The following ARSJ variants were observed in gnomAD, a reference collection of about 807,000 sequenced individuals.
The protein encoded by ARSJ is arylsulfatase J.
In ARSJ, 26 loss-of-function variants were observed where a neutral mutation model predicts 35.9. The ratio of observed to expected loss-of-function variants is 0.72; its 90% confidence interval spans 0.53 to 1.00. ARSJ has a LOEUF of 1.00. ARSJ is among the 50% of genes least tolerant of loss of function. ARSJ has a pLI of 0.00. For synonymous variants in ARSJ, 294 were observed against 267.6 expected (o/e 1.10, Z -0.96); for missense variants, 667 against 723.6 (o/e 0.92, Z 0.90).
chr4:113,907,054 A>G (rs1398703082), intron 1 of ARSJ, among the ~76,000 whole-genome samples: 2 of 152,150 alleles, frequency 1.3e-5, no homozygotes, highest in African/African-American at 2.4e-5. Flanking sequence ...AGGCTGTGAA[A>G]CTGATTCTTG....
intron 1 of ARSJ, among the ~76,000 whole-genome samples, chr4:113,907,758 T>C (rs2099669204): frequency 6.6e-6 from 1 of 152,092 alleles, no homozygotes; most frequent in Admixed American, 6.5e-5. Flanking sequence ...TATACAGCCA[T>C]AAAAAAGAAC....
chr4:113,951,268 T>C (rs1334477878), intron 1 of ARSJ, among the ~76,000 whole-genome samples: 1 of 152,136 alleles, frequency 6.6e-6, no homozygotes, highest in Non-Finnish European at 1.5e-5. Flanking sequence ...AAATCTGGAA[T>C]CTCTTCTATG....
chr4:113,966,388 C>T (rs1246222984), intron 1 of ARSJ, among the ~76,000 whole-genome samples: 1 of 152,044 alleles, frequency 6.6e-6, no homozygotes, highest in Non-Finnish European at 1.5e-5. Context: ...ATTGTAAAAA[C>T]TAAGTCCTTG....
chr4:113,952,775 G>A (rs1725943526), intron 1 of ARSJ, among the ~76,000 whole-genome samples: 1 of 152,038 alleles, frequency 6.6e-6, no homozygotes, highest in African/African-American at 2.4e-5. Context: ...CTTTAGATAT[G>A]GTTCACATAA....
chr4:113,972,804 G>C (rs1479276793), intron 1 of ARSJ, among the ~76,000 whole-genome samples: 1 of 152,116 alleles, frequency 6.6e-6, no homozygotes, highest in African/African-American at 2.4e-5. Flanking sequence ...ATTGCTGGCT[G>C]TCCCTGCCAT....
At position 113,901,960 on chromosome 4, in the gene ARSJ, A is replaced by G. The variant is rs555833308; in HGVS notation, c.*314T>C. 13 of 493,478 alleles carry G rather than the reference A, an allele frequency of 2.6e-5. No homozygotes were observed. The highest frequency in any genetic ancestry group is 4.2e-5 in the Non-Finnish European group (12 of 288,590). 30.6% of individuals were successfully genotyped at this position (493,478 alleles called of 1,614,324 possible). ...GGTAGGTTATTGTTCTCCTCCTATAATTCAAAGCAGTGTTTGGTCAGTTGA... is the reference window on the plus strand; with the variant it reads ...GGTAGGTTATTGTTCTCCTCCTATAGTTCAAAGCAGTGTTTGGTCAGTTGA... On this transcript the variant is annotated 3_prime_UTR_variant, in exon 2 of 2. Transcript: ENST00000315366.
At chr4:113,945,691 A>T (rs745501310) in intron 1 of ARSJ, among the ~76,000 whole-genome samples, 19 of 152,096 alleles carry the variant, frequency 1.2e-4, no homozygotes, top group Non-Finnish European at 1.9e-4. Context: ...CCGTTGCTAC[A>T]TTTACATATT....
intron 1 of ARSJ, among the ~76,000 whole-genome samples, chr4:113,921,710 C>T (rs1049548483): frequency 6.6e-6 from 1 of 152,142 alleles, no homozygotes; most frequent in Non-Finnish European, 1.5e-5. Context: ...TCTTCTTAGT[C>T]AGAATGCTAC....
At chr4:113,938,484 G>T (rs1161932374) in intron 1 of ARSJ, among the ~76,000 whole-genome samples, 1 of 152,028 alleles carries the variant, frequency 6.6e-6, no homozygotes, top group Non-Finnish European at 1.5e-5. Context: ...CATGGGCAAA[G>T]ATTTCATGAT....
intron 1 of ARSJ, among the ~76,000 whole-genome samples, chr4:113,951,454 G>A (rs1404345289): frequency 6.6e-6 from 1 of 152,006 alleles, no homozygotes; most frequent in Non-Finnish European, 1.5e-5. Flanking sequence ...ATGTGGTCTG[G>A]ACAGTGTAAA....
At chr4:113,952,630 C>CTAGGAAA (rs1378819258) in intron 1 of ARSJ, among the ~76,000 whole-genome samples, 1 of 152,026 alleles carries the variant, frequency 6.6e-6, no homozygotes. Flanking sequence ...AAAGCAGTCA[C>CTAGGAAA]TAGAGGGAAA....
Position 113,903,094 on chromosome 4 carries a change from T to C in ARSJ, c.980A>G (p.Asp327Gly), listed in dbSNP as rs2099667648. Residue 327 changes from aspartate (D) to glycine (G), a missense_variant, in exon 2 of 2, where the codon GAT becomes GGT. Physicochemically the swap from Asp to Gly is moderately conservative, Grantham distance 94. Coordinates refer to ENST00000315366, the MANE Select transcript of ARSJ (RefSeq NM_024590.4). ...TCCTGCCGTAGGCTGGCCACCATTA[T>C]CTGAAGAGTAAATGATAATGCTGTT... ...YNNSIIIYSSDNGGQPTAGGS... is the reference protein window; with the variant it reads ...YNNSIIIYSSGNGGQPTAGGS... 6.2e-7 allele frequency: 1 copy of C among 1,614,102 alleles called. No homozygotes were observed. Among genetic ancestry groups the C allele is most frequent in the Admixed American group, 1.7e-5 (1 of 60,006 alleles).
At chr4:113,917,739 G>A (rs1205146626) in intron 1 of ARSJ, among the ~76,000 whole-genome samples, 1 of 152,022 alleles carries the variant, frequency 6.6e-6, no homozygotes, top group East Asian at 1.9e-4. Flanking sequence ...CAATAATTCT[G>A]AAGTTCTATT....
At chr4:113,973,666 C>T (rs1261265927) in intron 1 of ARSJ, among the ~76,000 whole-genome samples, 5 of 152,138 alleles carry the variant, frequency 3.3e-5, no homozygotes, top group South Asian at 2.1e-4. Context: ...TTGTATCTCT[C>T]GCCCTCTCTC....
At position 113,978,836 on chromosome 4, in the gene ARSJ, C is replaced by T. The variant is rs779633709; in HGVS notation, c.-2G>A. On this transcript the variant is annotated 5_prime_UTR_variant, in exon 1 of 2. It removes the in-frame stop codon of an upstream open reading frame in the 5' UTR. Coordinates refer to ENST00000315366, the MANE Select transcript of ARSJ (RefSeq NM_024590.4). ...CCCCGCACAGCCCCTGGGAGCCATT[C>T]ACTCAGGTCCCAGGTGAGACTCCAC... is the stretch of plus-strand genomic sequence containing the variant. 1.9e-6 allele frequency: 3 copies of T among 1,594,484 alleles called. No homozygotes were observed. Among genetic ancestry groups the T allele is most frequent in the Non-Finnish European group, 2.6e-6 (3 of 1,171,628 alleles).
intron 1 of ARSJ, among the ~76,000 whole-genome samples, chr4:113,962,646 A>G (rs1726625956): frequency 6.6e-6 from 1 of 151,976 alleles, no homozygotes; most frequent in Non-Finnish European, 1.5e-5. Flanking sequence ...CCTCTGTCCC[A>G]TGATCTCTCA....
intron 1 of ARSJ, among the ~76,000 whole-genome samples, chr4:113,910,024 T>C (rs1264132847): frequency 2.0e-5 from 3 of 152,194 alleles, no homozygotes; most frequent in East Asian, 3.8e-4. Flanking sequence ...ATGCTTGTAT[T>C]ACCTTGGCTA....
chr4:113,907,528 A>AT (rs1174215975), intron 1 of ARSJ, among the ~76,000 whole-genome samples: 13 of 95,942 alleles, frequency 1.4e-4, no homozygotes, highest in Non-Finnish European at 2.8e-4. Flanking sequence ...ATAATATGAA[A>AT]ATTTTTTTTA....
intron 1 of ARSJ, among the ~76,000 whole-genome samples, chr4:113,968,875 T>A (rs1042777887): frequency 6.6e-6 from 1 of 152,192 alleles, no homozygotes; most frequent in Non-Finnish European, 1.5e-5. Flanking sequence ...TATAATCATT[T>A]AGGAGGTTAT....
Sources: gnomAD v4.1 joint callset for allele counts (sites outside exome capture counted in the v4.1 genomes callset) on GRCh38, gnomAD v4.1.1 for gene constraint, MANE v1.5 for transcripts, NCBI Gene and HGNC (gene_info 2026-07-23, HGNC 2026-07-21) for gene names.